ILKAP: variants seen among roughly 807,000 people sequenced by gnomAD.
ILKAP encodes ILK associated serine/threonine phosphatase.
A neutral mutation model predicts 49.1 loss-of-function variants in ILKAP; 11 were observed. The ratio of observed to expected loss-of-function variants is 0.22; its 90% CI spans 0.14 to 0.37. ILKAP has a LOEUF of 0.37. ILKAP is among the 10% of genes least tolerant of loss of function. The pLI is 1.00. For missense variants in ILKAP, 363 were observed against 510.8 expected (o/e 0.71, Z 2.79); for synonymous variants, 186 against 192.8 (o/e 0.96, Z 0.29).
chr2:238,173,805 A>C, intron 9 of ILKAP, 152 bp from the exon 10 acceptor site: 10 of 971,300 alleles, frequency 1.0e-5, no homozygotes, highest in Non-Finnish European at 1.5e-5. Context: ...TCTTGATCTC[A>C]AATATGCAGG....
intron 3 of ILKAP, among the ~76,000 whole-genome samples, chr2:238,190,494 A>C (rs1192818016): frequency 6.6e-6 from 1 of 152,226 alleles, no homozygotes; most frequent in Non-Finnish European, 1.5e-5. Flanking sequence ...ACTCAAAGCT[A>C]AGGGAATCTG....
chr2:238,194,936 A>T (rs1694283611), intron 1 of ILKAP, 66 bp from the exon 2 acceptor site: 6 of 1,293,794 alleles, frequency 4.6e-6, no homozygotes, highest in Non-Finnish European at 5.6e-6. Context: ...TCAAAGAGGA[A>T]GATCATGTGG....
rs762475786 is a variant in ILKAP, at chr2:238,182,191, GAA to G, written c.715-7_715-6del. The G allele has an allele frequency of 2.5e-6, 4 of 1,613,070 alleles. No individual in the cohort carries two copies. The Admixed American group carries it at 6.7e-5, about 27-fold the overall frequency. ...ATTATAACGACACAAGATTGCCTGG[GAA>G]GATGGAGATTGTAATAGTCATGAAA... On this transcript the variant is annotated splice_region_variant and splice_polypyrimidine_tract_variant and intron_variant, in intron 8 of 11. Coordinates refer to ENST00000254654, the MANE Select transcript of ILKAP (RefSeq NM_030768.3).
intron 9 of ILKAP, 50 bp from the exon 10 acceptor site, chr2:238,173,703 C>T (rs903910121): frequency 6.3e-7 from 1 of 1,584,376 alleles, no homozygotes; most frequent in African/African-American, 1.3e-5. Flanking sequence ...GATTATGGGT[C>T]CACAGTACTT....
chr2:238,185,363 G>A (rs1254251594), intron 5 of ILKAP, 76 bp from the exon 6 acceptor site: 7 of 910,814 alleles, frequency 7.7e-6, no homozygotes, highest in African/African-American at 3.3e-5. Flanking sequence ...TTTAAATTTC[G>A]TCTCAAAGAG....
intron 9 of ILKAP, among the ~76,000 whole-genome samples, chr2:238,177,129 T>C (rs1693495822): frequency 1.3e-5 from 2 of 152,248 alleles, no homozygotes; most frequent in Non-Finnish European, 2.9e-5. Context: ...GCTACATAGC[T>C]ACCTTCAATG....
intron 5 of ILKAP, 71 bp downstream of exon 5, chr2:238,188,060 C>A: frequency 1.3e-6 from 2 of 1,535,998 alleles, no homozygotes; most frequent in Non-Finnish European, 1.8e-6. Context: ...TACAAACTAG[C>A]CAGTCCAAAA....
intron 1 of ILKAP, among the ~76,000 whole-genome samples, chr2:238,202,224 GTAAAA>G (rs1236461503): frequency 2.0e-5 from 3 of 152,224 alleles, no homozygotes; most frequent in East Asian, 1.9e-4. Context: ...GTCTCAAAAA[GTAAAA>G]TAAAATAAAA....
chr2:238,182,944 G>A (rs1693756363), intron 8 of ILKAP, among the ~76,000 whole-genome samples: 1 of 152,198 alleles, frequency 6.6e-6, no homozygotes, highest in Non-Finnish European at 1.5e-5. Flanking sequence ...GAAGCATCGT[G>A]GGGAGGGGTC....
intron 3 of ILKAP, among the ~76,000 whole-genome samples, chr2:238,192,654 C>T (rs1331665956): frequency 2.0e-5 from 3 of 150,000 alleles, no homozygotes; most frequent in Non-Finnish European, 4.4e-5. Context: ...GAGCTGAGAT[C>T]GCGCCACTGC....
intron 9 of ILKAP, among the ~76,000 whole-genome samples, chr2:238,178,511 G>A (rs1468038888): frequency 6.6e-6 from 1 of 152,174 alleles, no homozygotes; most frequent in African/African-American, 2.4e-5. Flanking sequence ...TTGATACTAT[G>A]AAACTGTTTT....
intron 10 of ILKAP, among the ~76,000 whole-genome samples, chr2:238,171,686 A>AT (rs1188933526): frequency 6.6e-6 from 1 of 152,264 alleles, no homozygotes; most frequent in Non-Finnish European, 1.5e-5. Context: ...ACAAGAATTT[A>AT]TAACACCATA....
Position 238,170,679 on chromosome 2 carries a change from A to C in ILKAP, c.1039-3T>G. On this transcript the variant is annotated splice_polypyrimidine_tract_variant and splice_region_variant and intron_variant, in intron 11 of 11. Coordinates refer to ENST00000254654, the MANE Select transcript of ILKAP (RefSeq NM_030768.3). Reference sequence around the variant, plus strand: ...TCCCGGGTCTGGATCTTTTCATCCTACCAGATGAGAAAGGGAATGAGTGAA... The same window carrying C: ...TCCCGGGTCTGGATCTTTTCATCCTCCCAGATGAGAAAGGGAATGAGTGAA... The C allele has an allele frequency of 6.3e-7, 1 of 1,594,666 alleles. No individual in the cohort carries two copies. Among genetic ancestry groups the C allele is most frequent in the Non-Finnish European group, 8.6e-7 (1 of 1,165,666 alleles).
chr2:238,174,964 G>C (rs1218233379), intron 9 of ILKAP, among the ~76,000 whole-genome samples: 1 of 152,142 alleles, frequency 6.6e-6, no homozygotes, highest in Non-Finnish European at 1.5e-5. Flanking sequence ...ACAAGATTAA[G>C]ATTACAATCA....
intron 6 of ILKAP, among the ~76,000 whole-genome samples, chr2:238,184,612 T>C (rs1464320586): frequency 1.3e-5 from 2 of 152,128 alleles, no homozygotes; most frequent in South Asian, 2.1e-4. Flanking sequence ...CAGGCTGCAG[T>C]GCAATGGTGC....
intron 4 of ILKAP, chr2:238,188,736 C>T (rs1355701877): frequency 6.5e-6 from 1 of 153,330 alleles, no homozygotes; most frequent in Non-Finnish European, 1.5e-5. Flanking sequence ...ACAGTAAGAT[C>T]AGCTGCTTTT....
chr2:238,184,153 G>A (rs772958689), intron 6 of ILKAP, 40 bp from the exon 7 acceptor site: 2 of 1,109,206 alleles, frequency 1.8e-6, no homozygotes, highest in Non-Finnish European at 2.8e-6. Flanking sequence ...CTCTCAAGGA[G>A]GGAAGATTAT....
At chr2:238,191,662 C>T (rs1038486797) in intron 3 of ILKAP, among the ~76,000 whole-genome samples, 1 of 152,156 alleles carries the variant, frequency 6.6e-6, no homozygotes, top group Non-Finnish European at 1.5e-5. Context: ...CATCCCAGCA[C>T]TTTGGGAGGC....
At chr2:238,202,501 G>GC (rs1449067700) in intron 1 of ILKAP, among the ~76,000 whole-genome samples, 4 of 152,132 alleles carry the variant, frequency 2.6e-5, no homozygotes, top group African/African-American at 9.7e-5. Context: ...CTGGTCTCCA[G>GC]CCCCCGCTGG....
Sources: gnomAD v4.1 joint callset for allele counts (sites outside exome capture counted in the v4.1 genomes callset) on GRCh38, gnomAD v4.1.1 for gene constraint, MANE v1.5 for transcripts, NCBI Gene and HGNC (gene_info 2026-07-23, HGNC 2026-07-21) for gene names.